Variants in ZNF248 observed in about 807,000 individuals in gnomAD.
ZNF248 encodes KRAB protein domain.
Under a neutral mutation model 44.3 loss-of-function variants are expected in ZNF248, and 20 were observed. The ratio of observed to expected loss-of-function variants is 0.45; its 90% confidence interval spans 0.32 to 0.66. ZNF248 has a LOEUF of 0.66. Among genes scored for constraint, ZNF248 ranks in the 30% least tolerant of loss-of-function variants. The probability of loss-of-function intolerance (pLI) is 0.04; values close to 1 mark genes in which losing one functional copy is unlikely to be tolerated. For missense variants in ZNF248, 654 were observed against 677.0 expected (o/e 0.97, Z 0.38); for synonymous variants, 224 against 229.0 (o/e 0.98, Z 0.20).
At chr10:37,766,368 A>C in the ZNF248 span, among the ~76,000 whole-genome samples, 3 of 152,236 alleles carry the variant, frequency 2.0e-5, no homozygotes, top group African/African-American at 7.2e-5. Context: ...TAGTAGGGGC[A>C]GACTGACACC....
chr10:37,763,795 T>A, the ZNF248 span, among the ~76,000 whole-genome samples: 1 of 152,236 alleles, frequency 6.6e-6, no homozygotes, highest in South Asian at 2.1e-4. Context: ...TATAATTTCT[T>A]ACACCTGTCT....
At chr10:37,773,039 G>A (rs149001417), downstream of ZNF248, among the ~76,000 whole-genome samples, 8 of 152,104 alleles carry the variant, frequency 5.3e-5, no homozygotes, top group Non-Finnish European at 8.8e-5. Context: ...TTGAGGTCAG[G>A]AGTTTGAGAC....
chr10:37,841,115 T>C (rs1298356780), intron 3 of ZNF248, among the ~76,000 whole-genome samples: 1 of 152,258 alleles, frequency 6.6e-6, no homozygotes, highest in Non-Finnish European at 1.5e-5. Context: ...TATGTTCACA[T>C]GATTTTTTAT....
intron 6 of ZNF248, among the ~76,000 whole-genome samples, chr10:37,788,356 C>T (rs1175669278): frequency 6.6e-6 from 1 of 151,484 alleles, no homozygotes; most frequent in Non-Finnish European, 1.5e-5. Flanking sequence ...CACGGTGGCT[C>T]ACACCTGTAA....
At chr10:37,812,820 T>C (rs769082861) in intron 6 of ZNF248, among the ~76,000 whole-genome samples, 2 of 151,872 alleles carry the variant, frequency 1.3e-5, no homozygotes, top group African/African-American at 4.8e-5. Context: ...AGAACCCTGA[T>C]AGAACACCAT....
chr10:37,762,135 A>T, the ZNF248 span, among the ~76,000 whole-genome samples: 1 of 152,230 alleles, frequency 6.6e-6, no homozygotes, highest in Non-Finnish European at 1.5e-5. Flanking sequence ...TTCTAGGTAG[A>T]CAATGAAACA....
chr10:37,760,488 G>T, the ZNF248 span, among the ~76,000 whole-genome samples: 1 of 152,200 alleles, frequency 6.6e-6, no homozygotes, highest in East Asian at 1.9e-4. Flanking sequence ...CTCCCAAAGT[G>T]CTGGGATTAT....
At chr10:37,771,679 A>G (rs1037908102), downstream of ZNF248, among the ~76,000 whole-genome samples, 1 of 151,918 alleles carries the variant, frequency 6.6e-6, no homozygotes, top group African/African-American at 2.4e-5. Context: ...ATGCTAAATG[A>G]TGAGTTAATG....
chr10:37,762,617 A>G, the ZNF248 span, among the ~76,000 whole-genome samples: 1 of 152,222 alleles, frequency 6.6e-6, no homozygotes, highest in East Asian at 1.9e-4. Flanking sequence ...CTGGAAGGTT[A>G]AAGTATTTAT....
chr10:37,848,510 G>T (rs2059692362), intron 3 of ZNF248, among the ~76,000 whole-genome samples: 1 of 151,592 alleles, frequency 6.6e-6, no homozygotes, highest in Admixed American at 6.6e-5. Flanking sequence ...TTGAACCCGG[G>T]AAGCAGAGGT....
chr10:37,779,897 A>G (rs1375209622), intron 6 of ZNF248, among the ~76,000 whole-genome samples: 5 of 151,150 alleles, frequency 3.3e-5, no homozygotes, highest in African/African-American at 1.2e-4. Context: ...CCAAATCATG[A>G]GTGAACTCCC....
chr10:37,776,901 G>T (rs1442719560), intron 6 of ZNF248, among the ~76,000 whole-genome samples: 1 of 152,134 alleles, frequency 6.6e-6, no homozygotes, highest in Non-Finnish European at 1.5e-5. Context: ...TTTCTTGTTT[G>T]TCAAGATGGA....
chr10:37,816,487 C>G (rs763123726), intron 6 of ZNF248, among the ~76,000 whole-genome samples: 8 of 152,168 alleles, frequency 5.3e-5, no homozygotes, highest in Non-Finnish European at 8.8e-5. Flanking sequence ...CCATACAAGC[C>G]TTCCTACAGG....
the ZNF248 span, among the ~76,000 whole-genome samples, chr10:37,765,740 G>C: frequency 3.3e-5 from 5 of 152,210 alleles, no homozygotes; most frequent in South Asian, 6.2e-4. Flanking sequence ...CATCTCACTA[G>C]GGAGTGCCAG....
intron 3 of ZNF248, among the ~76,000 whole-genome samples, chr10:37,851,760 A>G (rs922242724): frequency 2.7e-5 from 4 of 146,470 alleles, no homozygotes; most frequent in African/African-American, 1.0e-4. Flanking sequence ...TATACCCATC[A>G]GAATGACCAA....
chr10:37,820,241 G>A, intron 6 of ZNF248: 1 of 1,342,990 alleles, frequency 7.4e-7, no homozygotes, highest in Non-Finnish European at 1.1e-6. Context: ...GCCAGATGGA[G>A]ATCTGTTTTT....
chr10:37,792,340 TA>T (rs2048657697), intron 6 of ZNF248, among the ~76,000 whole-genome samples: 1 of 151,964 alleles, frequency 6.6e-6, no homozygotes, highest in Non-Finnish European at 1.5e-5. Context: ...AAGAATAAAA[TA>T]AATATCCATG....
chr10:37,768,337 C>A, the ZNF248 span, among the ~76,000 whole-genome samples: 1 of 152,070 alleles, frequency 6.6e-6, no homozygotes, highest in Admixed American at 6.6e-5. Flanking sequence ...GTCTCAGCAC[C>A]ACACCTATTC....
intron 5 of ZNF248, among the ~76,000 whole-genome samples, chr10:37,835,943 C>T (rs1207683154): frequency 6.6e-6 from 1 of 152,212 alleles, no homozygotes; most frequent in Non-Finnish European, 1.5e-5. Context: ...TTATCTCCAA[C>T]TTCTGGTGTT....
Sources: allele counts gnomAD v4.1 joint callset (sites outside exome capture counted in the v4.1 genomes callset), GRCh38; gene constraint gnomAD v4.1.1; transcripts MANE v1.5; gene names NCBI Gene and HGNC (gene_info 2026-07-23, HGNC 2026-07-21).